Variants in PCDH15 observed in about 807,000 individuals in gnomAD.
The protein encoded by PCDH15 is protocadherin related 15.
In PCDH15, 129 loss-of-function variants were observed where a neutral mutation model predicts 178.5. The ratio of observed to expected loss-of-function variants is 0.72; its 90% CI spans 0.63 to 0.84. PCDH15 has a LOEUF of 0.84. Ranked by LOEUF, PCDH15 falls within the 40% of genes least tolerant of loss-of-function variation. The pLI, the probability that PCDH15 is intolerant of heterozygous loss-of-function variation, is 0.00. For synonymous variants in PCDH15, 800 were observed against 732.0 expected, an observed-to-expected ratio of 1.09 and a Z score of -1.50; for missense variants, 2,230 against 2,099.9, an observed-to-expected ratio of 1.06 and a Z score of -1.21.
chr10:55,075,934 T>A (rs1411647965), intron 2 of PCDH15, among the ~76,000 whole-genome samples: 1 of 152,184 alleles, frequency 6.6e-6, no homozygotes, highest in African/African-American at 2.4e-5. Context: ...GTAGGTGGCA[T>A]TATCATTTTC....
At chr10:55,230,211 T>C (rs1171826087) in intron 1 of PCDH15, among the ~76,000 whole-genome samples, 12 of 152,046 alleles carry the variant, frequency 7.9e-5, no homozygotes, top group Admixed American at 7.9e-4. Context: ...TTTGATTTAT[T>C]TGGAATAGAG....
At chr10:55,296,506 G>T (rs530687034) in intron 1 of PCDH15, among the ~76,000 whole-genome samples, 20 of 152,272 alleles carry the variant, frequency 1.3e-4, no homozygotes, top group Non-Finnish European at 2.6e-4. Flanking sequence ...AAAGGTTTTT[G>T]AAGCTCTTGT....
At chr10:54,710,913 G>A (rs1462400815) in intron 1 of PCDH15, among the ~76,000 whole-genome samples, 1 of 151,954 alleles carries the variant, frequency 6.6e-6, no homozygotes, top group Non-Finnish European at 1.5e-5. Context: ...GAATACTTTT[G>A]AGGGTGAGAG....
At chr10:55,293,287 G>A (rs1843053696) in intron 1 of PCDH15, among the ~76,000 whole-genome samples, 1 of 151,682 alleles carries the variant, frequency 6.6e-6, no homozygotes, top group Admixed American at 6.6e-5. Context: ...TAAAGATGCT[G>A]GGCCTGGCTT....
chr10:53,821,035 G>GAACA, intron 32 of PCDH15: 1 of 878,546 alleles, frequency 1.1e-6, no homozygotes, highest in Non-Finnish European at 1.4e-6. Context: ...TTAATAATAT[G>GAACA]AACAAACAAA....
At chr10:55,025,678 C>T (rs1386100726) in intron 2 of PCDH15, among the ~76,000 whole-genome samples, 3 of 151,878 alleles carry the variant, frequency 2.0e-5, no homozygotes, top group Non-Finnish European at 4.4e-5. Flanking sequence ...AGACTATACT[C>T]TTAGAATGCA....
At chr10:54,701,845 C>T (rs1179120386) in intron 1 of PCDH15, among the ~76,000 whole-genome samples, 1 of 152,060 alleles carries the variant, frequency 6.6e-6, no homozygotes, top group African/African-American at 2.4e-5. Context: ...GATAACCACA[C>T]ACCAGTAGTG....
At chr10:54,018,568 A>G (rs1039369521) in intron 20 of PCDH15, among the ~76,000 whole-genome samples, 1 of 152,124 alleles carries the variant, frequency 6.6e-6, no homozygotes, top group Non-Finnish European at 1.5e-5. Context: ...ATAGATGCCT[A>G]GAGTTATCTG....
chr10:54,885,866 C>G (rs1219399053), intron 3 of PCDH15, among the ~76,000 whole-genome samples: 4 of 152,058 alleles, frequency 2.6e-5, no homozygotes. Flanking sequence ...TGTGAATACA[C>G]TTTTTTCTCT....
chr10:54,818,993 T>C (rs1411104577), intron 3 of PCDH15, among the ~76,000 whole-genome samples: 2 of 152,026 alleles, frequency 1.3e-5, no homozygotes, highest in South Asian at 2.1e-4. Context: ...GGGGTGATCA[T>C]AGTTCACTGT....
At chr10:54,767,763 A>G (rs567306662) in intron 1 of PCDH15, among the ~76,000 whole-genome samples, 3 of 152,304 alleles carry the variant, frequency 2.0e-5, no homozygotes, top group East Asian at 1.9e-4. Flanking sequence ...TATGTATTCT[A>G]CAATATCTGA....
intron 2 of PCDH15, among the ~76,000 whole-genome samples, chr10:55,435,247 G>A (rs1385236296): frequency 1.3e-5 from 2 of 152,080 alleles, no homozygotes; most frequent in African/African-American, 2.4e-5. Flanking sequence ...TTAAAGGTAC[G>A]AAGGTATTGA....
chr10:55,076,291 T>A (rs1841884711), intron 2 of PCDH15, among the ~76,000 whole-genome samples: 1 of 152,160 alleles, frequency 6.6e-6, no homozygotes, highest in South Asian at 2.1e-4. Context: ...CTTTATTGGT[T>A]TATTTCCTAG....
intron 2 of PCDH15, among the ~76,000 whole-genome samples, chr10:55,487,306 C>T (rs1018035494): frequency 2.0e-5 from 3 of 151,642 alleles, no homozygotes; most frequent in African/African-American, 7.3e-5. Context: ...ACTTCTGGGG[C>T]ACAATCTCAT....
chr10:55,577,255 A>G (rs2132115916), intron 2 of PCDH15, among the ~76,000 whole-genome samples: 1 of 152,330 alleles, frequency 6.6e-6, no homozygotes, highest in African/African-American at 2.4e-5. Flanking sequence ...CAAAACAAAA[A>G]GGAAACAAAA....
At chr10:54,143,718 AC>A (rs2043617216) in intron 14 of PCDH15, among the ~76,000 whole-genome samples, 1 of 152,146 alleles carries the variant, frequency 6.6e-6, no homozygotes, top group Admixed American at 6.6e-5. Flanking sequence ...TTTTAGATCT[AC>A]TTATAAGCTT....
chr10:55,414,502 T>C (rs1013964014), intron 2 of PCDH15, among the ~76,000 whole-genome samples: 3 of 151,716 alleles, frequency 2.0e-5, no homozygotes, highest in Non-Finnish European at 4.4e-5. Context: ...GTAGTATTAA[T>C]TCTTCCATGA....
At position 54,763,993 on chromosome 10, in the gene PCDH15, T is replaced by A. The variant is rs1389575623; in HGVS notation, c.-29+36932A>T. Among the ~76,000 whole-genome samples, 4 of 151,962 alleles carry A rather than the reference T, an allele frequency of 2.6e-5. No individual in the cohort carries two copies. The East Asian group carries it at 5.8e-4, about 22-fold the overall frequency. On this transcript the variant is annotated intron_variant, in intron 1 of 37. Coordinates refer to ENST00000644397, the MANE Select transcript of PCDH15 (RefSeq NM_001384140.1). ...TAATTTTTAAAAGTAAAAAGGGATTTTTTTAATCGACTCGAAGAAGAAAAA... is the reference window on the plus strand; with the variant it reads ...TAATTTTTAAAAGTAAAAAGGGATTATTTTAATCGACTCGAAGAAGAAAAA...
intron 3 of PCDH15, among the ~76,000 whole-genome samples, chr10:54,446,418 C>T (rs180872216): frequency 6.6e-6 from 1 of 151,436 alleles, no homozygotes. Flanking sequence ...TGCTAACTTT[C>T]AAGATCATAT....
Sources: gnomAD v4.1 joint callset for allele counts (sites outside exome capture counted in the v4.1 genomes callset) on GRCh38, gnomAD v4.1.1 for gene constraint, MANE v1.5 for transcripts, NCBI Gene and HGNC (gene_info 2026-07-23, HGNC 2026-07-21) for gene names.